SLC24A3: variants seen among roughly 807,000 people sequenced by gnomAD.
SLC24A3 encodes solute carrier family 24 member 3.
SLC24A3 carries 28 observed loss-of-function variants against 75.8 expected under a neutral mutation model. The observed-to-expected ratio is 0.37, with a 90% confidence interval of 0.27 to 0.51. SLC24A3 has a LOEUF of 0.51. SLC24A3 is among the 20% of genes least tolerant of loss of function. The probability of loss-of-function intolerance (pLI) is 0.94; values close to 1 mark genes in which losing one functional copy is unlikely to be tolerated. For missense variants in SLC24A3, 663 were observed against 847.8 expected (o/e 0.78, Z 2.71); for synonymous variants, 372 against 334.1 (o/e 1.11, Z -1.24).
intron 1 of SLC24A3, among the ~76,000 whole-genome samples, chr20:19,275,557 C>T (rs1446239771): frequency 6.6e-6 from 1 of 152,066 alleles, no homozygotes; most frequent in East Asian, 1.9e-4. Context: ...GGCTGCTAGT[C>T]AAGGCTGTTT....
chr20:19,415,481 A>G (rs1174716172), intron 2 of SLC24A3, among the ~76,000 whole-genome samples: 2 of 152,216 alleles, frequency 1.3e-5, no homozygotes, highest in Non-Finnish European at 2.9e-5. Flanking sequence ...GCTTCCAGCC[A>G]TACCATTCAT....
chr20:19,440,897 A>G (rs148300761), intron 2 of SLC24A3, among the ~76,000 whole-genome samples: 168 of 152,184 alleles, frequency 1.1e-3, no homozygotes, highest in African/African-American at 3.9e-3. Context: ...GCATTTGGAT[A>G]CCGACGGACT....
chr20:19,681,770 G>C, intron 9 of SLC24A3, 88 bp from the exon 10 acceptor site: 1 of 1,600,930 alleles, frequency 6.2e-7, no homozygotes, highest in Non-Finnish European at 8.5e-7. Context: ...ATGCAGACTG[G>C]GAGAGCTCTC....
At chr20:19,403,891 A>G (rs1444682182) in intron 2 of SLC24A3, among the ~76,000 whole-genome samples, 1 of 152,220 alleles carries the variant, frequency 6.6e-6, no homozygotes, top group African/African-American at 2.4e-5. Flanking sequence ...TATGATTAGC[A>G]GGGGAATCCT....
chr20:19,525,747 C>T (rs2030187321), intron 3 of SLC24A3, among the ~76,000 whole-genome samples: 1 of 152,150 alleles, frequency 6.6e-6, no homozygotes, highest in Non-Finnish European at 1.5e-5. Flanking sequence ...CACACCAGAT[C>T]CCACCCAGCT....
At chr20:19,281,814 G>A (rs1034539295) in intron 2 of SLC24A3, among the ~76,000 whole-genome samples, 6 of 152,108 alleles carry the variant, frequency 3.9e-5, no homozygotes, top group East Asian at 1.9e-4. Context: ...GCCACATATC[G>A]CATCTGTAGT....
intron 2 of SLC24A3, among the ~76,000 whole-genome samples, chr20:19,329,383 C>A (rs987562550): frequency 6.6e-6 from 1 of 152,146 alleles, no homozygotes. Flanking sequence ...GAATCCATTT[C>A]TTGCACTCCT....
At chr20:19,451,200 T>C (rs1987474299) in intron 2 of SLC24A3, among the ~76,000 whole-genome samples, 1 of 152,194 alleles carries the variant, frequency 6.6e-6, no homozygotes. Flanking sequence ...AAACACATAT[T>C]TTAAAATATT....
chr20:19,315,379 G>T (rs1363843039), intron 2 of SLC24A3, among the ~76,000 whole-genome samples: 1 of 152,192 alleles, frequency 6.6e-6, no homozygotes, highest in Admixed American at 6.5e-5. Context: ...CCATTCAGGT[G>T]CAAAGAAGCA....
chr20:19,262,274 G>A (rs1015352357), intron 1 of SLC24A3, among the ~76,000 whole-genome samples: 25 of 151,524 alleles, frequency 1.6e-4, no homozygotes, highest in African/African-American at 2.7e-4. Context: ...GCGTGGTGGC[G>A]GGCGCCTGTA....
In SLC24A3 at chr20:19,228,610, A is replaced by G. The variant is rs556195758; in HGVS notation, c.142+15626A>G. 4.0e-5 allele frequency among the ~76,000 whole-genome samples: 6 copies of G among 151,868 alleles called. No homozygotes were observed. The East Asian group carries it at 1.2e-3, about 29-fold the overall frequency. On this transcript the variant is annotated intron_variant, in intron 1 of 16. Coordinates refer to ENST00000328041, the MANE Select transcript of SLC24A3 (RefSeq NM_020689.4). ...CAGTGAGCTGAGATCACGCCACTGC[A>G]CTCCAGCCTGGGTGACAGAGCTAGA...
chr20:19,629,484 T>C (rs1050649714), intron 6 of SLC24A3, among the ~76,000 whole-genome samples: 1 of 152,206 alleles, frequency 6.6e-6, no homozygotes, highest in African/African-American at 2.4e-5. Context: ...ACAGAGAGCC[T>C]ATTTGAAGAA....
intron 15 of SLC24A3, among the ~76,000 whole-genome samples, chr20:19,701,563 G>C (rs1029966153): frequency 6.6e-6 from 1 of 152,090 alleles, no homozygotes; most frequent in Non-Finnish European, 1.5e-5. Context: ...AAAATATTTA[G>C]TGGCTTTCTG....
chr20:19,238,418 A>G lies in SLC24A3; in HGVS notation c.142+25434A>G, dbSNP rs1982230468. On this transcript the variant is annotated intron_variant, in intron 1 of 16. Transcript: ENST00000328041. ...TCTATAATGAGCTGTGCAGCTCAGAACATTCTTGTTCATGCCTTTCCGCCA... is the reference window on the plus strand; with the variant it reads ...TCTATAATGAGCTGTGCAGCTCAGAGCATTCTTGTTCATGCCTTTCCGCCA... Among the ~76,000 whole-genome samples, 3 of 152,396 alleles carry G rather than the reference A, an allele frequency of 2.0e-5. No individual in the cohort carries two copies. In the South Asian group the frequency reaches 6.2e-4, roughly 32 times the overall value.
intron 6 of SLC24A3, among the ~76,000 whole-genome samples, chr20:19,651,394 T>TATATAC (rs1343999741): frequency 1.2e-5 from 1 of 83,292 alleles, no homozygotes; most frequent in African/African-American, 9.6e-5. Flanking sequence ...TATATATATA[T>TATATAC]ACACACATAT....
At chr20:19,567,394 C>A (rs781743502) in intron 3 of SLC24A3, among the ~76,000 whole-genome samples, 13 of 152,066 alleles carry the variant, frequency 8.5e-5, no homozygotes, top group Non-Finnish European at 1.8e-4. Context: ...GGAGCTGGAG[C>A]AAATTAATAA....
intron 2 of SLC24A3, among the ~76,000 whole-genome samples, chr20:19,469,196 G>A (rs1445809425): frequency 6.6e-6 from 1 of 152,112 alleles, no homozygotes; most frequent in Admixed American, 6.5e-5. Context: ...TGGGGATGAA[G>A]GATGTGCATG....
chr20:19,474,715 G>C (rs1236193975), intron 2 of SLC24A3, among the ~76,000 whole-genome samples: 2 of 152,166 alleles, frequency 1.3e-5, no homozygotes, highest in African/African-American at 4.8e-5. Context: ...ACCTCATGTT[G>C]GAATTTTTTT....
At chr20:19,350,783 G>A (rs1985548132) in intron 2 of SLC24A3, among the ~76,000 whole-genome samples, 1 of 152,214 alleles carries the variant, frequency 6.6e-6, no homozygotes, top group African/African-American at 2.4e-5. Flanking sequence ...GGAGGTTCTT[G>A]GACAAATTCT....
Sources: allele counts gnomAD v4.1 joint callset (sites outside exome capture counted in the v4.1 genomes callset), GRCh38; gene constraint gnomAD v4.1.1; transcripts MANE v1.5; gene names NCBI Gene and HGNC (gene_info 2026-07-23, HGNC 2026-07-21).